The following ZNF385B variants were observed in gnomAD, a reference collection of about 807,000 sequenced individuals.
The protein encoded by ZNF385B is zinc finger protein 385B, also known as zinc finger protein 533.
Under a neutral mutation model 39.2 loss-of-function variants are expected in ZNF385B, and 23 were observed. The observed-to-expected ratio is 0.59, with a 90% CI of 0.42 to 0.83. The LOEUF (loss-of-function observed/expected upper bound fraction) is 0.83, where lower values mean the gene tolerates loss of function less well. Among genes scored for constraint, ZNF385B ranks in the 40% least tolerant of loss-of-function variants. The pLI is 0.00. For synonymous variants in ZNF385B, 205 were observed against 222.6 expected, an observed-to-expected ratio of 0.92 and a Z score of 0.70; for missense variants, 552 against 598.9, an observed-to-expected ratio of 0.92 and a Z score of 0.82.
intron 1 of ZNF385B, among the ~76,000 whole-genome samples, chr2:179,856,417 G>A (rs951625291): frequency 3.3e-5 from 5 of 151,912 alleles, no homozygotes; most frequent in Non-Finnish European, 7.4e-5. Flanking sequence ...AGTAACCCAC[G>A]CCCTTCATCT....
intron 3 of ZNF385B, among the ~76,000 whole-genome samples, chr2:179,754,081 G>C: frequency 6.6e-6 from 1 of 152,094 alleles, no homozygotes; most frequent in Non-Finnish European, 1.5e-5. Context: ...GTCATAAATA[G>C]CTCTTATTAT....
intron 5 of ZNF385B, 92 bp downstream of exon 5, chr2:179,518,436 C>T: frequency 1.1e-6 from 1 of 942,538 alleles, no homozygotes; most frequent in Non-Finnish European, 1.6e-6. Flanking sequence ...GTGGCTGCTA[C>T]AGTATGTAAA....
chr2:179,476,549 T>C (rs1401693901), intron 6 of ZNF385B, among the ~76,000 whole-genome samples: 1 of 152,158 alleles, frequency 6.6e-6, no homozygotes, highest in Non-Finnish European at 1.5e-5. Flanking sequence ...AAAAATAGCT[T>C]TCAAAAGTGA....
chr2:179,855,129 ATTGT>A lies in ZNF385B; in HGVS notation c.-155+5968_-155+5971del, dbSNP rs1164202582. On this transcript the variant is annotated intron_variant, in intron 1 of 9. Transcript: ENST00000410066. ...AAGTGGAATATGGTCCCCAGTTAATATTGTTTATGTCCATTTATCTAATCTTCGT... is the reference window on the plus strand; with the variant it reads ...AAGTGGAATATGGTCCCCAGTTAATATTATGTCCATTTATCTAATCTTCGT... Among the ~76,000 whole-genome samples, 5 of 152,240 alleles carry A rather than the reference ATTGT, an allele frequency of 3.3e-5. No individual in the cohort carries two copies. The East Asian group carries it at 7.7e-4, about 24-fold the overall frequency.
At chr2:179,814,329 G>A in intron 1 of ZNF385B, 1 of 282,900 alleles carries the variant, frequency 3.5e-6, no homozygotes, top group Admixed American at 4.7e-5. Flanking sequence ...CTGCATGGCT[G>A]TCATTCGCTT....
intron 3 of ZNF385B, among the ~76,000 whole-genome samples, chr2:179,657,465 TTC>T (rs1270722278): frequency 6.6e-5 from 10 of 152,208 alleles, no homozygotes. Flanking sequence ...TCACAAACAC[TTC>T]TTTCACATGC....
rs183933726 is a variant in ZNF385B at position 179,722,557 on chromosome 2, A to T, written c.298+46946T>A. 2.4e-4 allele frequency among the ~76,000 whole-genome samples: 36 copies of T among 152,272 alleles called. No homozygotes were observed. The East Asian group carries it at 6.6e-3, about 28-fold the overall frequency. ...ATCTATACAGAAGAAAGAAAAATGC[A>T]TAAAATTGACTGCACAAAAACAGTT... On this transcript the variant is annotated intron_variant, in intron 3 of 9. Coordinates refer to ENST00000410066, the MANE Select transcript of ZNF385B (RefSeq NM_152520.6).
At chr2:179,563,203 T>G (rs561663375) in intron 3 of ZNF385B, among the ~76,000 whole-genome samples, 6 of 152,214 alleles carry the variant, frequency 3.9e-5, no homozygotes, top group Non-Finnish European at 8.8e-5. Flanking sequence ...GATTTATTAT[T>G]GCTCTCATAT....
At chr2:179,576,297 C>G in intron 3 of ZNF385B, 1 of 456,824 alleles carries the variant, frequency 2.2e-6, no homozygotes, top group Non-Finnish European at 2.9e-6. Context: ...CACATTACTC[C>G]TCTACTTAGA....
At chr2:179,642,289 A>C (rs1692334879) in intron 3 of ZNF385B, among the ~76,000 whole-genome samples, 1 of 152,178 alleles carries the variant, frequency 6.6e-6, no homozygotes, top group African/African-American at 2.4e-5. Flanking sequence ...TCTCTAGGGC[A>C]TAAGACACAT....
intron 1 of ZNF385B, among the ~76,000 whole-genome samples, chr2:179,774,361 C>CTT (rs140710524): frequency 4.0e-5 from 6 of 149,988 alleles, no homozygotes; most frequent in Non-Finnish European, 7.4e-5. Flanking sequence ...TCAATGTTTT[C>CTT]TTTTTTTTGT....
intron 3 of ZNF385B, among the ~76,000 whole-genome samples, chr2:179,673,060 G>C (rs1350630804): frequency 6.6e-6 from 1 of 152,142 alleles, no homozygotes. Flanking sequence ...GTCTGTTTTG[G>C]TTAGATATTG....
chr2:179,816,539 C>A (rs1707083114), intron 1 of ZNF385B, among the ~76,000 whole-genome samples: 1 of 152,170 alleles, frequency 6.6e-6, no homozygotes, highest in Non-Finnish European at 1.5e-5. Flanking sequence ...TAAGGCCCTA[C>A]CTGATTAGGC....
chr2:179,677,810 G>A (rs1451414104), intron 3 of ZNF385B, among the ~76,000 whole-genome samples: 17 of 152,062 alleles, frequency 1.1e-4, no homozygotes, highest in Admixed American at 1.1e-3. Flanking sequence ...ACTTCACAGG[G>A]TCCTTCTTCT....
Position 179,715,434 on chromosome 2 carries a change from G to A in ZNF385B, c.298+54069C>T, listed in dbSNP as rs1700273979. Among the ~76,000 whole-genome samples, 4 of 152,304 alleles carry A rather than the reference G, an allele frequency of 2.6e-5. No homozygotes were observed. In the South Asian group the frequency reaches 6.2e-4, roughly 24 times the overall value. ...ACCACAATCATAATATTAGAAGTGT[G>A]TTTGCATGAGGATTGTAGGTAACTC... On this transcript the variant is annotated intron_variant, in intron 3 of 9. Coordinates refer to ENST00000410066, the MANE Select transcript of ZNF385B (RefSeq NM_152520.6).
intron 3 of ZNF385B, among the ~76,000 whole-genome samples, chr2:179,713,824 C>A (rs958847929): frequency 6.6e-6 from 1 of 152,180 alleles, no homozygotes; most frequent in Non-Finnish European, 1.5e-5. Context: ...GTGTTTCCTG[C>A]TTAACTCATA....
At chr2:179,460,131 A>AT (rs2051162474) in intron 6 of ZNF385B, among the ~76,000 whole-genome samples, 2 of 152,066 alleles carry the variant, frequency 1.3e-5, no homozygotes, top group African/African-American at 4.8e-5. Context: ...AAAGAAAAAA[A>AT]AATATATAAT....
intron 6 of ZNF385B, among the ~76,000 whole-genome samples, chr2:179,467,729 T>G (rs948106136): frequency 6.6e-6 from 1 of 152,182 alleles, no homozygotes; most frequent in African/African-American, 2.4e-5. Context: ...ATATCTTGAC[T>G]TTTAGACTAA....
chr2:179,709,498 C>T (rs191348464), intron 3 of ZNF385B, among the ~76,000 whole-genome samples: 5 of 151,002 alleles, frequency 3.3e-5, no homozygotes, highest in African/African-American at 1.2e-4. Context: ...AACAGTCTAC[C>T]ATGAGGATGC....
Sources: allele counts gnomAD v4.1 joint callset (sites outside exome capture counted in the v4.1 genomes callset), GRCh38; gene constraint gnomAD v4.1.1; transcripts MANE v1.5; gene names NCBI Gene and HGNC (gene_info 2026-07-23, HGNC 2026-07-21).